Variants in SEMA6A observed in about 807,000 individuals in gnomAD.
The protein encoded by SEMA6A is semaphorin-6A.
A neutral mutation model predicts 96.8 loss-of-function variants in SEMA6A; 25 were observed. The observed-to-expected ratio is 0.26, with a 90% CI of 0.19 to 0.36. SEMA6A has a LOEUF of 0.36. SEMA6A is among the 10% of genes least tolerant of loss of function. The pLI, the probability that SEMA6A is intolerant of heterozygous loss-of-function variation, is 1.00. For missense variants in SEMA6A, 1,363 were observed against 1,323.1 expected (o/e 1.03, Z -0.47); for synonymous variants, 612 against 518.0 (o/e 1.18, Z -2.46).
intron 3 of SEMA6A, among the ~76,000 whole-genome samples, chr5:116,500,293 G>A (rs1343430692): frequency 1.3e-5 from 2 of 152,154 alleles, no homozygotes; most frequent in African/African-American, 2.4e-5. Context: ...ATGGACTCTA[G>A]AGCGAGACCA....
At chr5:116,556,875 C>T (rs1017978121) in intron 1 of SEMA6A, among the ~76,000 whole-genome samples, 2 of 152,188 alleles carry the variant, frequency 1.3e-5, no homozygotes, top group African/African-American at 4.8e-5. Flanking sequence ...TGCAACGTTA[C>T]CTTCATAATC....
At chr5:116,513,228 A>T (rs1458038177) in intron 1 of SEMA6A, among the ~76,000 whole-genome samples, 2 of 152,074 alleles carry the variant, frequency 1.3e-5, no homozygotes, top group Admixed American at 1.3e-4. Flanking sequence ...CCCAGGTTCA[A>T]GTGATTCTCC....
chr5:116,573,054 G>A (rs1421656109), intron 1 of SEMA6A, among the ~76,000 whole-genome samples: 1 of 152,152 alleles, frequency 6.6e-6, no homozygotes, highest in Non-Finnish European at 1.5e-5. Flanking sequence ...GAGGAGGGAG[G>A]AGACCTCAGG....
chr5:116,516,168 G>C lies in SEMA6A; in HGVS notation c.-38-11186C>G, dbSNP rs1310167562. Among the ~76,000 whole-genome samples, 4 of 152,082 alleles carry C rather than the reference G, an allele frequency of 2.6e-5. No individual in the cohort carries two copies. In the East Asian group the frequency reaches 7.7e-4, roughly 29 times the overall value. ...AAATAGAGTTTCTATTTGATTACAA[G>C]CTTCTGATTATACAAAAAGAGGCAT... On this transcript the variant is annotated intron_variant, in intron 1 of 18. Transcript: ENST00000343348.
At chr5:116,473,014 T>TA in intron 17 of SEMA6A, 59 bp downstream of exon 17, 1 of 1,549,538 alleles carries the variant, frequency 6.5e-7, no homozygotes, top group Non-Finnish European at 8.8e-7. Flanking sequence ...ATTAATGAAA[T>TA]AGACATTCTC....
chr5:116,483,390 C>T (rs1028214601), intron 10 of SEMA6A, among the ~76,000 whole-genome samples: 33 of 152,102 alleles, frequency 2.2e-4, no homozygotes, highest in African/African-American at 7.5e-4. Flanking sequence ...AAATTACAGG[C>T]ACCAGCTGGC....
chr5:116,474,278 G>GCACACACACACACACA lies in SEMA6A; in HGVS notation c.1709-1201_1709-1186dup, dbSNP rs113731062. Among the ~76,000 whole-genome samples, 201 of 147,386 alleles carry GCACACACACACACACA rather than the reference G, an allele frequency of 1.4e-3. 1 individual carries two copies. The highest frequency in any genetic ancestry group is 1.8e-3 in the South Asian group (8 of 4,566). On this transcript the variant is annotated intron_variant, in intron 16 of 18. Coordinates refer to ENST00000343348, the MANE Select transcript of SEMA6A (RefSeq NM_020796.5). ...AGCTGTTAATAAAGCGTGCACGCAT[G>GCACACACACACACACA]CACACACACACACACACACACACAC...
chr5:116,486,567 CTT>C (rs1757058253), intron 10 of SEMA6A, 180 bp downstream of exon 10: 1 of 579,832 alleles, frequency 1.7e-6, no homozygotes, highest in Non-Finnish European at 3.1e-6. Context: ...TAAAACCTAA[CTT>C]AATAGTGCTT....
intron 17 of SEMA6A, chr5:116,468,152 C>G (rs1755887638): frequency 5.9e-6 from 1 of 170,126 alleles, no homozygotes; most frequent in Admixed American, 6.2e-5. Flanking sequence ...TTTGATATTC[C>G]CATGGCAGCA....
chr5:116,470,186 C>A (rs573972658), intron 17 of SEMA6A, among the ~76,000 whole-genome samples: 1 of 152,224 alleles, frequency 6.6e-6, no homozygotes, highest in Middle Eastern at 3.4e-3. Flanking sequence ...TGTGTTATTA[C>A]CTCTCCAAGC....
intron 12 of SEMA6A, among the ~76,000 whole-genome samples, chr5:116,479,170 G>A (rs2112690483): frequency 6.6e-6 from 1 of 152,300 alleles, no homozygotes; most frequent in East Asian, 1.9e-4. Flanking sequence ...TCAACAAAAT[G>A]TTTGATTGGA....
At chr5:116,528,288 G>A (rs1759316265) in intron 1 of SEMA6A, among the ~76,000 whole-genome samples, 1 of 152,076 alleles carries the variant, frequency 6.6e-6, no homozygotes, top group Non-Finnish European at 1.5e-5. Flanking sequence ...CAGGTTTCTT[G>A]CTTACAAATA....
At chr5:116,502,432 G>C in intron 2 of SEMA6A, 105 bp from the exon 3 acceptor site, 1 of 843,394 alleles carries the variant, frequency 1.2e-6, no homozygotes, top group South Asian at 1.5e-5. Context: ...CCGTGTTTAA[G>C]TCAGACCATG....
intron 1 of SEMA6A, among the ~76,000 whole-genome samples, chr5:116,506,977 A>G (rs1481212647): frequency 6.6e-6 from 1 of 152,116 alleles, no homozygotes; most frequent in Non-Finnish European, 1.5e-5. Flanking sequence ...ATATCCCCCA[A>G]TTTTAATTTT....
chr5:116,487,528 AAAC>A (rs1757119742), intron 9 of SEMA6A, among the ~76,000 whole-genome samples: 1 of 152,204 alleles, frequency 6.6e-6, no homozygotes. Flanking sequence ...AAGAAAAAAA[AAAC>A]AAAACTGTTG....
intron 18 of SEMA6A, chr5:116,449,198 T>C (rs1754472428): frequency 4.8e-6 from 3 of 619,442 alleles, no homozygotes; most frequent in South Asian, 1.8e-5. Flanking sequence ...AAATCTCTAA[T>C]ACCTCAATTC....
At chr5:116,547,501 AT>A (rs1469677712) in intron 1 of SEMA6A, among the ~76,000 whole-genome samples, 1 of 152,168 alleles carries the variant, frequency 6.6e-6, no homozygotes, top group Admixed American at 6.5e-5. Flanking sequence ...AAAGGCCAGT[AT>A]TTTTAAAGCA....
intron 1 of SEMA6A, among the ~76,000 whole-genome samples, chr5:116,552,163 C>T (rs1221551547): frequency 6.6e-6 from 1 of 152,200 alleles, no homozygotes; most frequent in East Asian, 1.9e-4. Context: ...TTTAAAATGT[C>T]CTAGAGTGTC....
At chr5:116,454,105 T>C (rs1754830974) in intron 18 of SEMA6A, among the ~76,000 whole-genome samples, 1 of 152,092 alleles carries the variant, frequency 6.6e-6, no homozygotes, top group Non-Finnish European at 1.5e-5. Context: ...TCTGTCTCCA[T>C]AGTGAAGTGA....
Sources: allele counts gnomAD v4.1 joint callset (sites outside exome capture counted in the v4.1 genomes callset), GRCh38; gene constraint gnomAD v4.1.1; transcripts MANE v1.5; gene names NCBI Gene and HGNC (gene_info 2026-07-23, HGNC 2026-07-21).